Variants in LRRC4C observed in about 807,000 individuals in gnomAD.
LRRC4C encodes the protein leucine-rich repeat-containing protein 4C.
LRRC4C carries 5 observed loss-of-function variants against 33.6 expected under a neutral mutation model. The observed-to-expected ratio is 0.15, with a 90% CI of 0.08 to 0.31. The LOEUF (loss-of-function observed/expected upper bound fraction) is 0.31, where lower values mean the gene tolerates loss of function less well. Ranked by LOEUF, LRRC4C falls within the 10% of genes least tolerant of loss-of-function variation. The probability of loss-of-function intolerance (pLI) is 1.00; values close to 1 mark genes in which losing one functional copy is unlikely to be tolerated. For synonymous variants in LRRC4C, 329 were observed against 302.0 expected (o/e 1.09, Z -0.93); for missense variants, 560 against 796.7 (o/e 0.70, Z 3.58).
chr11:40,657,738 C>T (rs182050359), intron 2 of LRRC4C, among the ~76,000 whole-genome samples: 18 of 152,228 alleles, frequency 1.2e-4, no homozygotes, highest in Middle Eastern at 3.4e-3. Context: ...GACTGTGCCC[C>T]GACCACCTTG....
rs1285051638 is a variant in LRRC4C, at chr11:40,463,318, G to GTC, written c.-269-143598_-269-143597insGA. Reference sequence around the variant, plus strand: ...GTATGTGTTACTGGTGTGTGTGTGTGTGTGTGTGTGTGTGTGTGTGTGTGT... The same window carrying GTC: ...GTATGTGTTACTGGTGTGTGTGTGTGTCTGTGTGTGTGTGTGTGTGTGTGTGT... On this transcript the variant is annotated intron_variant, in intron 3 of 6. Coordinates refer to ENST00000528697, the MANE Select transcript of LRRC4C (RefSeq NM_001258419.2). Among the ~76,000 whole-genome samples the GTC allele has an allele frequency of 3.6e-4, 54 of 149,420 alleles. 1 individual carries two copies. Among genetic ancestry groups the GTC allele is most frequent in the Admixed American group, 7.4e-4 (11 of 14,902 alleles).
At chr11:40,352,538 T>A (rs1947459626) in intron 3 of LRRC4C, among the ~76,000 whole-genome samples, 1 of 152,106 alleles carries the variant, frequency 6.6e-6, no homozygotes, top group African/African-American at 2.4e-5. Context: ...TATATCTTCT[T>A]ATACTATGTC....
Position 40,377,721 on chromosome 11 carries a change from C to T in LRRC4C, c.-269-58000G>A, listed in dbSNP as rs1454168508. On this transcript the variant is annotated intron_variant, in intron 3 of 6. Transcript: ENST00000528697. ...GAGAATGGAGAAATTATAAAATAAT[C>T]CAGAAGTTTTTTGAGAGGAAAGAAA... is the stretch of plus-strand genomic sequence containing the variant. 2.0e-5 allele frequency among the ~76,000 whole-genome samples: 3 copies of T among 151,902 alleles called. No homozygotes were observed. In the South Asian group the frequency reaches 6.2e-4, roughly 32 times the overall value.
chr11:40,352,392 C>G (rs1947452791), intron 3 of LRRC4C, among the ~76,000 whole-genome samples: 1 of 151,946 alleles, frequency 6.6e-6, no homozygotes, highest in Non-Finnish European at 1.5e-5. Context: ...AAAATCTTTA[C>G]AAATTAACTT....
At chr11:40,596,292 A>G (rs972604986) in intron 3 of LRRC4C, among the ~76,000 whole-genome samples, 2 of 152,098 alleles carry the variant, frequency 1.3e-5, no homozygotes, top group African/African-American at 2.4e-5. Flanking sequence ...TATAAACCCA[A>G]TAGTCTTTTT....
chr11:40,209,568 A>G (rs1312340428), intron 5 of LRRC4C, among the ~76,000 whole-genome samples: 1 of 152,110 alleles, frequency 6.6e-6, no homozygotes. Context: ...TTTGAGATGG[A>G]GTCTCGCTCT....
intron 1 of LRRC4C, among the ~76,000 whole-genome samples, chr11:40,956,209 C>T (rs1958947005): frequency 6.6e-6 from 1 of 151,734 alleles, no homozygotes; most frequent in Admixed American, 6.6e-5. Flanking sequence ...TCAGCAAACT[C>T]AATAGCCCTC....
intron 1 of LRRC4C, among the ~76,000 whole-genome samples, chr11:41,015,528 G>A (rs748927906): frequency 2.0e-5 from 3 of 152,002 alleles, no homozygotes; most frequent in Non-Finnish European, 4.4e-5. Flanking sequence ...TGGTCAGTCT[G>A]GTTTTGAACT....
At chr11:40,626,730 C>T (rs1018029777) in intron 3 of LRRC4C, among the ~76,000 whole-genome samples, 13 of 152,164 alleles carry the variant, frequency 8.5e-5, no homozygotes, top group African/African-American at 3.1e-4. Context: ...TACATCAATT[C>T]TCTTAGTTTC....
intron 4 of LRRC4C, among the ~76,000 whole-genome samples, chr11:40,289,499 G>A (rs1478404928): frequency 6.6e-6 from 1 of 152,112 alleles, no homozygotes; most frequent in Non-Finnish European, 1.5e-5. Flanking sequence ...TGGGCATAGG[G>A]TCCTCGGCAG....
At chr11:40,530,596 A>G (rs1233227156) in intron 3 of LRRC4C, among the ~76,000 whole-genome samples, 2 of 152,174 alleles carry the variant, frequency 1.3e-5, no homozygotes, top group Non-Finnish European at 2.9e-5. Context: ...TCAACTAGGA[A>G]TAAACTTCAA....
At chr11:40,787,315 T>C (rs985240920) in intron 2 of LRRC4C, among the ~76,000 whole-genome samples, 3 of 152,316 alleles carry the variant, frequency 2.0e-5, no homozygotes, top group East Asian at 3.9e-4. Flanking sequence ...GGGATCTGAC[T>C]AGTCTCACTG....
intron 2 of LRRC4C, among the ~76,000 whole-genome samples, chr11:40,658,468 G>A (rs1943246826): frequency 6.6e-6 from 1 of 152,142 alleles, no homozygotes; most frequent in South Asian, 2.1e-4. Flanking sequence ...AGTAGAGAAA[G>A]GGGTTTAATT....
intron 3 of LRRC4C, among the ~76,000 whole-genome samples, chr11:40,625,968 T>G (rs1256630571): frequency 2.0e-5 from 3 of 152,146 alleles, no homozygotes; most frequent in African/African-American, 7.2e-5. Flanking sequence ...AATGATAGGT[T>G]GGATTGTGTC....
chr11:40,830,996 C>T (rs1261394160), intron 2 of LRRC4C, among the ~76,000 whole-genome samples: 1 of 152,062 alleles, frequency 6.6e-6, no homozygotes, highest in Non-Finnish European at 1.5e-5. Context: ...ACAAACAGTA[C>T]TTTTTTCACT....
intron 1 of LRRC4C, among the ~76,000 whole-genome samples, chr11:41,198,241 A>G (rs919941014): frequency 6.6e-6 from 1 of 152,002 alleles, no homozygotes; most frequent in Non-Finnish European, 1.5e-5. Flanking sequence ...CATGAAATAT[A>G]TGCATTTCCT....
chr11:40,590,473 C>G (rs1286081528), intron 3 of LRRC4C, among the ~76,000 whole-genome samples: 1 of 152,008 alleles, frequency 6.6e-6, no homozygotes. Context: ...CTTCTTCTCT[C>G]AGCTCGTCAA....
intron 1 of LRRC4C, among the ~76,000 whole-genome samples, chr11:41,017,405 T>C (rs897285137): frequency 2.0e-5 from 3 of 152,162 alleles, no homozygotes; most frequent in African/African-American, 7.2e-5. Context: ...CCAAGGAACA[T>C]CTACAAAATT....
chr11:40,884,986 G>C (rs1955376446), intron 2 of LRRC4C, among the ~76,000 whole-genome samples: 1 of 151,964 alleles, frequency 6.6e-6, no homozygotes, highest in Non-Finnish European at 1.5e-5. Flanking sequence ...AAAAAGGTGG[G>C]GGGTGAGAAA....
Sources: gnomAD v4.1 joint callset for allele counts (sites outside exome capture counted in the v4.1 genomes callset) on GRCh38, gnomAD v4.1.1 for gene constraint, MANE v1.5 for transcripts, NCBI Gene and HGNC (gene_info 2026-07-23, HGNC 2026-07-21) for gene names.